ODAD2: variants seen among roughly 807,000 people sequenced by gnomAD.
ODAD2 encodes outer dynein arm docking complex subunit 2.
A neutral mutation model predicts 106.8 loss-of-function variants in ODAD2; 89 were observed. The observed-to-expected ratio is 0.83, with a 90% CI of 0.70 to 0.99. The LOEUF (loss-of-function observed/expected upper bound fraction) is 0.99, where lower values mean the gene tolerates loss of function less well. Among genes scored for constraint, ODAD2 ranks in the 50% least tolerant of loss-of-function variants. The pLI, the probability that ODAD2 is intolerant of heterozygous loss-of-function variation, is 0.00. For synonymous variants in ODAD2, 404 were observed against 436.2 expected, an observed-to-expected ratio of 0.93 and a Z score of 0.92; for missense variants, 1,168 against 1,238.5, an observed-to-expected ratio of 0.94 and a Z score of 0.85.
chr10:27,936,692 T>A, intron 15 of ODAD2, 34 bp downstream of exon 15: 3 of 1,611,730 alleles, frequency 1.9e-6, no homozygotes, highest in Non-Finnish European at 2.5e-6. Context: ...AGAAGCCGTA[T>A]CTTCATTTCA....
intron 19 of ODAD2, 126 bp downstream of exon 19, chr10:27,860,499 G>T: frequency 1.3e-6 from 1 of 799,394 alleles, no homozygotes; most frequent in Non-Finnish European, 2.0e-6. Context: ...ATGCAGCCAT[G>T]ATGCAGCAGG....
chr10:27,832,703 A>C (rs1455339131), intron 19 of ODAD2, among the ~76,000 whole-genome samples: 1 of 152,108 alleles, frequency 6.6e-6, no homozygotes, highest in East Asian at 1.9e-4. Context: ...TTTCTCCTTA[A>C]ACGTTATTGC....
chr10:27,945,302 G>A lies in ODAD2; in HGVS notation c.1387-340C>T, dbSNP rs1846820541. 1.3e-5 allele frequency among the ~76,000 whole-genome samples: 2 copies of A among 152,192 alleles called. 1 individual carries two copies. Among genetic ancestry groups the A allele is most frequent in the South Asian group, 4.1e-4 (2 of 4,832 alleles). ...AGATGGTTCCCCCAGTTCTTGAACAGGGTATTGCATAATGCAAAGCACGTC... is the reference window on the plus strand; with the variant it reads ...AGATGGTTCCCCCAGTTCTTGAACAAGGTATTGCATAATGCAAAGCACGTC... On this transcript the variant is annotated intron_variant, in intron 10 of 19. Transcript: ENST00000305242.
At chr10:27,887,562 T>C (rs1842306598) in intron 17 of ODAD2, among the ~76,000 whole-genome samples, 2 of 151,954 alleles carry the variant, frequency 1.3e-5, no homozygotes, top group African/African-American at 2.4e-5. Context: ...TTCTCCAGGA[T>C]AGACCATATA....
chr10:27,821,320 A>G (rs1836592640), intron 19 of ODAD2, among the ~76,000 whole-genome samples: 1 of 152,148 alleles, frequency 6.6e-6, no homozygotes, highest in Non-Finnish European at 1.5e-5. Flanking sequence ...ACTGTTACTC[A>G]TTGCTTTGTT....
chr10:27,997,802 C>G (rs1194961499), intron 1 of ODAD2, among the ~76,000 whole-genome samples: 10 of 152,130 alleles, frequency 6.6e-5, no homozygotes, highest in Non-Finnish European at 1.0e-4. Flanking sequence ...CAGTTGCTCC[C>G]CGGTTTCTGC....
intron 16 of ODAD2, among the ~76,000 whole-genome samples, chr10:27,925,511 C>T (rs150568089): frequency 3.0e-3 from 457 of 152,288 alleles, no homozygotes; most frequent in African/African-American, 0.01. Flanking sequence ...GTGCACACTA[C>T]CATGCTCAAC....
intron 1 of ODAD2, among the ~76,000 whole-genome samples, chr10:27,996,230 C>T (rs576505312): frequency 1.6e-4 from 24 of 152,088 alleles, no homozygotes; most frequent in South Asian, 8.3e-4. Context: ...AATGGTTATA[C>T]GGTTAAATAT....
chr10:27,942,444 A>G (rs1846527629), intron 12 of ODAD2, among the ~76,000 whole-genome samples: 1 of 152,170 alleles, frequency 6.6e-6, no homozygotes, highest in Admixed American at 6.5e-5. Flanking sequence ...CAGTTAGTCT[A>G]TAGGAAAACT....
chr10:27,829,759 A>G (rs910165758), intron 19 of ODAD2, among the ~76,000 whole-genome samples: 1 of 152,182 alleles, frequency 6.6e-6, no homozygotes, highest in African/African-American at 2.4e-5. Flanking sequence ...TTTCATCTAT[A>G]TAAGAACTTC....
chr10:27,900,305 T>A (rs560646281), intron 17 of ODAD2, among the ~76,000 whole-genome samples: 6 of 152,150 alleles, frequency 3.9e-5, no homozygotes, highest in Middle Eastern at 6.8e-3. Flanking sequence ...AAAATCCCCA[T>A]CTGAAGGTCA....
chr10:27,902,963 C>T (rs1222688701), intron 17 of ODAD2, among the ~76,000 whole-genome samples: 1 of 152,102 alleles, frequency 6.6e-6, no homozygotes. Context: ...CCAGCATCAT[C>T]CCCATACCAA....
intron 4 of ODAD2, among the ~76,000 whole-genome samples, chr10:27,984,510 A>G (rs1002977958): frequency 9.2e-5 from 14 of 152,230 alleles, no homozygotes; most frequent in Non-Finnish European, 1.3e-4. Context: ...TATTCACTTT[A>G]TTTCATGCTG....
intron 16 of ODAD2, among the ~76,000 whole-genome samples, chr10:27,909,300 G>A (rs1200687835): frequency 1.3e-5 from 2 of 151,866 alleles, no homozygotes; most frequent in Non-Finnish European, 2.9e-5. Context: ...TCATTTGGAT[G>A]GCACAAATTT....
At chr10:27,992,466 A>T (rs1178917054) in intron 2 of ODAD2, among the ~76,000 whole-genome samples, 2 of 152,166 alleles carry the variant, frequency 1.3e-5, no homozygotes. Context: ...AGGTAGAAGG[A>T]TCTCTTGAGG....
chr10:27,862,365 T>C, intron 18 of ODAD2, 69 bp downstream of exon 18: 1 of 1,286,022 alleles, frequency 7.8e-7, no homozygotes, highest in South Asian at 1.7e-5. Context: ...TGCAAATGCA[T>C]TGTTTTCATC....
intron 1 of ODAD2, among the ~76,000 whole-genome samples, chr10:27,998,445 A>G (rs1305221390): frequency 6.6e-6 from 1 of 151,970 alleles, no homozygotes; most frequent in Admixed American, 6.6e-5. Flanking sequence ...AGCGGGAGGC[A>G]GAGCTGCAAA....
chr10:27,826,254 T>A (rs1408044193), intron 19 of ODAD2, among the ~76,000 whole-genome samples: 1 of 152,218 alleles, frequency 6.6e-6, no homozygotes, highest in Non-Finnish European at 1.5e-5. Flanking sequence ...CTGTTCTCTA[T>A]CATTCTTCTC....
At chr10:27,888,882 C>A (rs1842395013) in intron 17 of ODAD2, among the ~76,000 whole-genome samples, 2 of 152,178 alleles carry the variant, frequency 1.3e-5, no homozygotes, top group South Asian at 2.1e-4. Context: ...CATTTGAATT[C>A]CTACCTTACA....
Sources: allele counts gnomAD v4.1 joint callset (sites outside exome capture counted in the v4.1 genomes callset), GRCh38; gene constraint gnomAD v4.1.1; transcripts MANE v1.5; gene names NCBI Gene and HGNC (gene_info 2026-07-23, HGNC 2026-07-21).